Variants in WIPF2 observed in about 807,000 individuals in gnomAD.
The protein encoded by WIPF2 is WAS/WASL-interacting protein family member 2.
A neutral mutation model predicts 38.8 loss-of-function variants in WIPF2; 23 were observed. The ratio of observed to expected loss-of-function variants is 0.59; its 90% confidence interval spans 0.43 to 0.84. The LOEUF (loss-of-function observed/expected upper bound fraction) is 0.84, where lower values mean the gene tolerates loss of function less well. WIPF2 is among the 40% of genes least tolerant of loss of function. The pLI is 0.00. For synonymous variants in WIPF2, 210 were observed against 223.2 expected (o/e 0.94, Z 0.53); for missense variants, 574 against 580.5 (o/e 0.99, Z 0.11).
chr17:40,221,485 G>C (rs1443946164), intron 1 of WIPF2, among the ~76,000 whole-genome samples: 4 of 151,962 alleles, frequency 2.6e-5, no homozygotes, highest in Non-Finnish European at 5.9e-5. Flanking sequence ...TGTAATCCCA[G>C]CTACTTGGGA....
intron 1 of WIPF2, among the ~76,000 whole-genome samples, chr17:40,247,218 T>A (rs990873760): frequency 9.0e-5 from 12 of 133,740 alleles, no homozygotes; most frequent in Non-Finnish European, 1.3e-4. Flanking sequence ...TTTTTTTTTT[T>A]TTTTTTTTTT....
chr17:40,274,931 CAA>C (rs777312230), intron 6 of WIPF2, among the ~76,000 whole-genome samples: 24 of 45,560 alleles, frequency 5.3e-4, no homozygotes, highest in Non-Finnish European at 8.0e-4. Context: ...GAATCTGTCT[CAA>C]AAAAAAAAAA....
At chr17:40,236,061 C>T (rs954917777) in intron 1 of WIPF2, among the ~76,000 whole-genome samples, 9 of 150,158 alleles carry the variant, frequency 6.0e-5, no homozygotes, top group Middle Eastern at 3.6e-3. Context: ...CATATTCAAG[C>T]GATTCTCCTG....
rs566833450 is a variant in WIPF2 at position 40,273,908 on chromosome 17, C to T, written c.1089C>T (p.Pro363=). 1 of 1,592,520 alleles carries T rather than the reference C, an allele frequency of 6.3e-7. No homozygotes were observed. The highest frequency in any genetic ancestry group is 1.4e-5 in the African/African-American group (1 of 73,798). ...GCCGAGGAAAGCCCCCACCTCCACC[C>T]TCAAGGACGCCAGCTGGGCCACCCC... ...PPSRGKPPPP[P]SRTPAGPPPP... is the part of the protein sequence containing the mutation. The change falls in exon 6 of 8, where the codon CCC becomes CCT. Residue 363 remains proline (P), a synonymous_variant. Coordinates refer to ENST00000323571, the MANE Select transcript of WIPF2 (RefSeq NM_133264.5).
In WIPF2 at chr17:40,265,123, G is replaced by A. The variant is rs1210382737; in HGVS notation, c.947G>A (p.Arg316Gln). ...LLSNRPPPPA[R>Q]DPPSRGAAPP... ...AGTAATAGGCCACCTCCCCCAGCCC[G>A]AGACCCTCCCAGTCGGGGAGCAGGT... The change falls in exon 5 of 8, where the codon CGA (arginine) becomes CAA (glutamine). Residue 316 changes from arginine (R) to glutamine (Q), a missense_variant. Coordinates refer to ENST00000323571, the MANE Select transcript of WIPF2 (RefSeq NM_133264.5). 3.7e-6 allele frequency: 6 copies of A among 1,609,662 alleles called. No individual in the cohort carries two copies. Among genetic ancestry groups the A allele is most frequent in the East Asian group, 4.5e-5 (2 of 44,834 alleles).
intron 1 of WIPF2, among the ~76,000 whole-genome samples, chr17:40,241,014 A>T (rs933118821): frequency 1.3e-5 from 2 of 152,004 alleles, no homozygotes; most frequent in African/African-American, 4.8e-5. Flanking sequence ...TGATTAATGC[A>T]TGCAATATAT....
At chr17:40,259,680 A>G (rs1184304107) in intron 2 of WIPF2, among the ~76,000 whole-genome samples, 1 of 152,154 alleles carries the variant, frequency 6.6e-6, no homozygotes, top group African/African-American at 2.4e-5. Flanking sequence ...ATAGGATATG[A>G]GTTTTTAGTG....
intron 1 of WIPF2, among the ~76,000 whole-genome samples, chr17:40,255,600 C>G (rs1479057347): frequency 3.3e-5 from 5 of 151,316 alleles, no homozygotes; most frequent in Admixed American, 3.3e-4. Context: ...GCTGGGATTA[C>G]AGGTGTGAGC....
At chr17:40,241,110 C>T (rs1373979101) in intron 1 of WIPF2, among the ~76,000 whole-genome samples, 1 of 152,122 alleles carries the variant, frequency 6.6e-6, no homozygotes, top group East Asian at 1.9e-4. Flanking sequence ...CAGTTGATTA[C>T]TAATACTCCT....
At chr17:40,220,900 C>T (rs1444209077) in intron 1 of WIPF2, among the ~76,000 whole-genome samples, 2 of 151,312 alleles carry the variant, frequency 1.3e-5, no homozygotes, top group South Asian at 2.1e-4. Flanking sequence ...CTCAGCCTCC[C>T]GAGTAGCTGG....
Position 40,277,723 on chromosome 17 carries a change from C to CTTTTTTTTTTTTTTTTTTTTTTTTT in WIPF2, c.1283-443_1283-442insTTTTTTTTTTTTTTTTTTTTTTTTT. On this transcript the variant is annotated intron_variant, in intron 7 of 7. Transcript: ENST00000323571. Reference sequence around the variant, plus strand: ...ATTGCTTCTCATCATCTTCGTTGTCCTTTTTTTTTTTTTTTTTTTGAGATA... The same window carrying CTTTTTTTTTTTTTTTTTTTTTTTTT: ...ATTGCTTCTCATCATCTTCGTTGTCCTTTTTTTTTTTTTTTTTTTTTTTTTTTTTTTTTTTTTTTTTTTTGAGATA... 1.4e-3 allele frequency among the ~76,000 whole-genome samples: 141 copies of CTTTTTTTTTTTTTTTTTTTTTTTTT among 97,604 alleles called. 19 individuals are homozygous for CTTTTTTTTTTTTTTTTTTTTTTTTT. The highest frequency in any genetic ancestry group is 3.7e-3 in the African/African-American group (67 of 17,934). 64.0% of individuals were successfully genotyped at this position (97,604 alleles called of 152,430 possible). A position where few individuals can be genotyped will look rare whatever the true frequency, so the allele number is the denominator to read the frequency against.
At chr17:40,239,145 C>T (rs1465425724) in intron 1 of WIPF2, among the ~76,000 whole-genome samples, 1 of 151,274 alleles carries the variant, frequency 6.6e-6, no homozygotes, top group Non-Finnish European at 1.5e-5. Context: ...GATCTCGGCT[C>T]ACTGCAAGCT....
intron 1 of WIPF2, among the ~76,000 whole-genome samples, chr17:40,254,995 A>G (rs1372273709): frequency 2.6e-5 from 4 of 152,070 alleles, no homozygotes; most frequent in Non-Finnish European, 4.4e-5. Flanking sequence ...CGGCCTCCCA[A>G]AGTGCTAGGA....
chr17:40,230,967 C>A (rs556044969), intron 1 of WIPF2, among the ~76,000 whole-genome samples: 1 of 152,240 alleles, frequency 6.6e-6, no homozygotes, highest in South Asian at 2.1e-4. Context: ...TTTTTATCTG[C>A]AAGTGTATTG....
chr17:40,237,164 C>G (rs915733298), intron 1 of WIPF2, among the ~76,000 whole-genome samples: 1 of 150,520 alleles, frequency 6.6e-6, no homozygotes, highest in African/African-American at 2.4e-5. Flanking sequence ...TCTCCTCTCT[C>G]TTTCTGGAAA....
intron 1 of WIPF2, among the ~76,000 whole-genome samples, chr17:40,226,331 G>C (rs1227180493): frequency 2.0e-5 from 3 of 151,500 alleles, no homozygotes; most frequent in Admixed American, 1.3e-4. Context: ...AGCCTCCCGA[G>C]TAGCTGGGAT....
At chr17:40,231,935 CTTTTTTT>C (rs71152658) in intron 1 of WIPF2, among the ~76,000 whole-genome samples, 3 of 104,270 alleles carry the variant, frequency 2.9e-5, no homozygotes, top group Non-Finnish European at 6.4e-5. Context: ...TTTTTTCTTT[CTTTTTTT>C]TTTTTTTTTT....
chr17:40,220,483 C>T (rs1465837900), intron 1 of WIPF2: 1 of 148,380 alleles, frequency 6.7e-6, no homozygotes, highest in African/African-American at 2.5e-5. Context: ...AAAGCCTCGA[C>T]CTCCCGGGCT....
chr17:40,266,507 G>T (rs1386298882), intron 5 of WIPF2, among the ~76,000 whole-genome samples: 1 of 152,116 alleles, frequency 6.6e-6, no homozygotes, highest in African/African-American at 2.4e-5. Flanking sequence ...AGTGGTGGAG[G>T]GTGAAAGTGA....
Sources: gnomAD v4.1 joint callset for allele counts (sites outside exome capture counted in the v4.1 genomes callset) on GRCh38, gnomAD v4.1.1 for gene constraint, MANE v1.5 for transcripts, NCBI Gene and HGNC (gene_info 2026-07-23, HGNC 2026-07-21) for gene names.